ADAM28: variants seen among roughly 807,000 people sequenced by gnomAD.
ADAM28 encodes ADAM metallopeptidase domain 28.
In ADAM28, 105 loss-of-function variants were observed where a neutral mutation model predicts 101.2. That is an observed-to-expected ratio of 1.04 (90% CI 0.89 to 1.22). The LOEUF is 1.22. Among genes scored for constraint, ADAM28 ranks in the 50% most tolerant of loss-of-function variants. The pLI is 0.00. For missense variants in ADAM28, 1,028 were observed against 945.4 expected, an observed-to-expected ratio of 1.09 and a Z score of -1.15; for synonymous variants, 322 against 310.6, an observed-to-expected ratio of 1.04 and a Z score of -0.39.
intron 18 of ADAM28, among the ~76,000 whole-genome samples, chr8:24,344,093 G>A (rs1006894442): frequency 2.1e-4 from 32 of 152,186 alleles, no homozygotes; most frequent in South Asian, 2.1e-4. Context: ...CACACGGGAT[G>A]TCTCTGCATT....
rs747916878 is a variant in ADAM28 at position 24,339,446 on chromosome 8, C to G, written c.1568-20C>G. The G allele has an allele frequency of 3.2e-6, 5 of 1,581,062 alleles. No individual in the cohort carries two copies. Among genetic ancestry groups the G allele is most frequent in the Non-Finnish European group, 4.3e-6 (5 of 1,153,940 alleles). On this transcript the variant is annotated intron_variant, in intron 14 of 22. Transcript: ENST00000265769. Reference sequence around the variant, plus strand: ...TCAAAAATCTATTTTCTTTTCCCTGCTGACTGATCCTGGTCCCAGGAACTG... The same window carrying G: ...TCAAAAATCTATTTTCTTTTCCCTGGTGACTGATCCTGGTCCCAGGAACTG...
rs1585771599 is a variant in ADAM28 at position 24,354,896 on chromosome 8, T to G, written c.*492T>G. 6.5e-6 allele frequency: 1 copy of G among 152,832 alleles called. No individual in the cohort carries two copies. The highest frequency in any genetic ancestry group is 2.4e-5 in the African/African-American group (1 of 41,450). 9.5% of individuals were successfully genotyped at this position (152,832 alleles called of 1,614,324 possible). ...CCTAGATTAGCTTCTGAAATCATTA[T>G]TAGCTATATCATTTGAGGTTTTCTA... On this transcript the variant is annotated 3_prime_UTR_variant, in exon 23 of 23. Transcript: ENST00000265769.
chr8:24,326,912 A>T (rs1362774827), intron 10 of ADAM28, among the ~76,000 whole-genome samples: 1 of 152,106 alleles, frequency 6.6e-6, no homozygotes, highest in East Asian at 1.9e-4. Context: ...AATAATAGCT[A>T]TTTATGATAA....
At chr8:24,352,824 C>CCTAT (rs1288570986) in intron 21 of ADAM28, among the ~76,000 whole-genome samples, 5 of 152,070 alleles carry the variant, frequency 3.3e-5, no homozygotes, top group Admixed American at 6.6e-5. Flanking sequence ...TTTTCAGGAC[C>CCTAT]CTATCTTTGA....
chr8:24,343,437 A>G, intron 17 of ADAM28, 69 bp from the exon 18 acceptor site: 1 of 1,475,050 alleles, frequency 6.8e-7, no homozygotes, highest in Non-Finnish European at 9.4e-7. Context: ...GAACTTTATT[A>G]TGGATGAGTA....
chr8:24,355,453 A>AAAAT lies in ADAM28; in HGVS notation c.*1052_*1055dup, dbSNP rs1338643059. On this transcript the variant is annotated 3_prime_UTR_variant, in exon 23 of 23. Transcript: ENST00000265769. ...TCCTTTTAAGTAAGTCAAGTCAATT[A>AAAAT]AAATAACCTCATTTTTCCTTGCTAG... is the stretch of plus-strand genomic sequence containing the variant. 1.3e-5 allele frequency: 2 copies of AAAAT among 152,090 alleles called. No individual in the cohort carries two copies. Among genetic ancestry groups the AAAAT allele is most frequent in the Non-Finnish European group, 2.9e-5 (2 of 67,988 alleles). The allele number at this position is 152,090 out of a possible 1,614,324, so 9.4% of individuals were successfully genotyped here.
In ADAM28 at chr8:24,313,416, T is replaced by C; in HGVS notation, c.412T>C (p.Tyr138His). 7.4e-6 allele frequency: 12 copies of C among 1,612,494 alleles called. No homozygotes were observed. Among genetic ancestry groups the C allele is most frequent in the Non-Finnish European group, 9.3e-6 (11 of 1,179,388 alleles). ...RGYFSQGDQRYFIEPLSPIHR... is the reference protein window; with the variant it reads ...RGYFSQGDQRHFIEPLSPIHR... ...CTACTTCAGTCAGGGGGATCAAAGA[T>C]ACTTTATTGAACCTTTAAGCCCCAT... The change falls in exon 6 of 23, where the codon TAC becomes CAC. Residue 138 changes from tyrosine to histidine, a missense_variant. By Grantham distance (83) the Tyr-to-His change is moderately conservative. Coordinates refer to ENST00000265769, the MANE Select transcript of ADAM28 (RefSeq NM_014265.6).
In ADAM28 at chr8:24,326,480, G is replaced by A. The variant is rs1010502479; in HGVS notation, c.891-74G>A. 2.2e-6 allele frequency: 3 copies of A among 1,392,274 alleles called. No individual in the cohort carries two copies. The African/African-American group carries it at 4.3e-5, about 20-fold the overall frequency. 86.2% of individuals were successfully genotyped at this position (1,392,274 alleles called of 1,614,324 possible). A position where few individuals can be genotyped will look rare whatever the true frequency, so the allele number is the denominator to read the frequency against. On this transcript the variant is annotated intron_variant, in intron 9 of 22. Coordinates refer to ENST00000265769, the MANE Select transcript of ADAM28 (RefSeq NM_014265.6). ...TGAGTTTTTCTGCTAACCATTTAGGGTTTTGGATGTATTGTCTATAAAAAT... is the reference window on the plus strand; with the variant it reads ...TGAGTTTTTCTGCTAACCATTTAGGATTTTGGATGTATTGTCTATAAAAAT...
chr8:24,321,536 ATGGGTGCAT>A (rs1185933728), intron 8 of ADAM28: 1 of 461,248 alleles, frequency 2.2e-6, no homozygotes, highest in Non-Finnish European at 4.0e-6. Context: ...TAAAAGCTAC[ATGGGTGCAT>A]TGTATTTTCC....
At position 24,358,725 on chromosome 8, in the gene ADAM28, T is replaced by G. The variant is rs554821254; in HGVS notation, c.*4321T>G. 6.6e-6 allele frequency: 1 copy of G among 152,348 alleles called. No individual in the cohort carries two copies. Among genetic ancestry groups the G allele is most frequent in the South Asian group, 2.1e-4 (1 of 4,826 alleles). 9.4% of individuals were successfully genotyped at this position (152,348 alleles called of 1,614,324 possible). On this transcript the variant is annotated 3_prime_UTR_variant, in exon 23 of 23. Coordinates refer to ENST00000265769, the MANE Select transcript of ADAM28 (RefSeq NM_014265.6). ...AGTATCACTATTACTGTTAGTAGTA[T>G]GCTAAGCGAATACTATTGTTATAAA...
At chr8:24,351,601 C>T (rs1816153343) in intron 20 of ADAM28, 2 of 512,280 alleles carry the variant, frequency 3.9e-6, no homozygotes, top group Admixed American at 3.3e-5. Flanking sequence ...CTCTCACACA[C>T]ACACACTCCC....
At chr8:24,296,145 G>T (rs530993479) in intron 1 of ADAM28, 171 of 152,274 alleles carry the variant, frequency 1.1e-3, no homozygotes, top group African/African-American at 3.9e-3. Context: ...AAAGGAGAAA[G>T]GTGCTTACCT....
In ADAM28 at chr8:24,358,178, G is replaced by C. The variant is rs117706786; in HGVS notation, c.*3774G>C. 6.6e-5 allele frequency: 10 copies of C among 152,262 alleles called. No individual in the cohort carries two copies. The South Asian group carries it at 1.0e-3, about 16-fold the overall frequency. 9.4% of individuals were successfully genotyped at this position (152,262 alleles called of 1,614,324 possible). A position where few individuals can be genotyped will look rare whatever the true frequency, so the allele number is the denominator to read the frequency against. ...TGCTTCCCACAGTAAATATTTTTCA[G>C]AAGTACATGCTTTCTCAGCCACTTG... On this transcript the variant is annotated 3_prime_UTR_variant, in exon 23 of 23. Transcript: ENST00000265769.
intron 1 of ADAM28, chr8:24,296,147 T>C (rs1018718806): frequency 6.6e-5 from 10 of 152,248 alleles, no homozygotes; most frequent in African/African-American, 2.4e-4. Flanking sequence ...AGGAGAAAGG[T>C]GCTTACCTTA....
chr8:24,300,577 G>T (rs544949695), intron 2 of ADAM28, among the ~76,000 whole-genome samples: 1 of 151,946 alleles, frequency 6.6e-6, no homozygotes, highest in Non-Finnish European at 1.5e-5. Context: ...CACCACGCTC[G>T]GCTAATTTTT....
intron 18 of ADAM28, among the ~76,000 whole-genome samples, chr8:24,349,268 A>C (rs899694279): frequency 6.6e-6 from 1 of 152,178 alleles, no homozygotes. Flanking sequence ...AAAAGAGTGA[A>C]GTTATATTCA....
intron 6 of ADAM28, among the ~76,000 whole-genome samples, chr8:24,314,097 A>G (rs1322145391): frequency 1.3e-5 from 2 of 152,350 alleles, no homozygotes; most frequent in East Asian, 1.9e-4. Flanking sequence ...AAGGTTAAAA[A>G]TAAGTGTAAA....
intron 2 of ADAM28, among the ~76,000 whole-genome samples, chr8:24,306,214 G>A (rs188475211): frequency 0.031 from 4,715 of 151,086 alleles, 239 homozygotes; most frequent in African/African-American, 0.11. Context: ...GTGGTGGTGC[G>A]CACCTGTAAC....
In ADAM28 at chr8:24,331,331, T is replaced by C. The variant is rs2278467; in HGVS notation, c.1281+4T>C. On this transcript the variant is annotated splice_donor_region_variant and intron_variant, in intron 12 of 22. Transcript: ENST00000265769. ...CTGTGATTGTGGGACATCTGAGGTA[T>C]GGCCAATCACTTTCTAAAACGATCT... is the stretch of plus-strand genomic sequence containing the variant. 0.17 allele frequency: 265,458 copies of C among 1,590,488 alleles called. 24,252 individuals are homozygous for C. Among genetic ancestry groups the C allele is most frequent in the East Asian group, 0.37 (16,338 of 44,052 alleles).
Sources: allele counts gnomAD v4.1 joint callset (sites outside exome capture counted in the v4.1 genomes callset), GRCh38; gene constraint gnomAD v4.1.1; transcripts MANE v1.5; gene names NCBI Gene and HGNC (gene_info 2026-07-23, HGNC 2026-07-21).